The following NCAPH variants were observed in gnomAD, a reference collection of about 807,000 sequenced individuals.
The protein encoded by NCAPH is non-SMC condensin I complex subunit H, also known as condensin complex subunit 2.
Under a neutral mutation model 85.5 loss-of-function variants are expected in NCAPH, and 38 were observed. That is an observed-to-expected ratio of 0.44 (90% CI 0.34 to 0.58). NCAPH has a LOEUF of 0.58. NCAPH is among the 20% of genes least tolerant of loss of function. NCAPH has a pLI of 0.01. For synonymous variants in NCAPH, 301 were observed against 335.1 expected (o/e 0.90, Z 1.11); for missense variants, 789 against 916.6 (o/e 0.86, Z 1.80).
chr2:96,340,516 G>A (rs1424690700), intron 1 of NCAPH, among the ~76,000 whole-genome samples: 2 of 148,856 alleles, frequency 1.3e-5, no homozygotes, highest in Admixed American at 1.4e-4. Context: ...TCAGCCTCCT[G>A]AGTAGCTGGG....
chr2:96,373,589 G>T lies in NCAPH; in HGVS notation c.*238G>T, dbSNP rs1468796582. The T allele has an allele frequency of 4.7e-6, 2 of 421,182 alleles. No individual in the cohort carries two copies. The highest frequency in any genetic ancestry group is 7.4e-5 in the East Asian group (2 of 27,154). 26.1% of individuals were successfully genotyped at this position (421,182 alleles called of 1,614,324 possible). On this transcript the variant is annotated 3_prime_UTR_variant, in exon 18 of 18. Transcript: ENST00000240423. ...CCTATGGTGACCATCTAGGAGAGGG[G>T]AGGGCAGAGGGGGTGAGGGTACTAT...
chr2:96,351,693 A>G, intron 6 of NCAPH, 138 bp from the exon 7 acceptor site: 1 of 682,054 alleles, frequency 1.5e-6, no homozygotes. Context: ...AAACAAAAAC[A>G]AACCACTTTT....
rs758627696 is a variant in NCAPH at position 96,373,378 on chromosome 2, G to T, written c.*27G>T. ...TTCACTATGGAGAAGTCAGCAGCAG[G>T]AGGCCCATCCCTTACTCAGTTGCCG... On this transcript the variant is annotated 3_prime_UTR_variant, in exon 18 of 18. Coordinates refer to ENST00000240423, the MANE Select transcript of NCAPH (RefSeq NM_015341.5). The T allele has an allele frequency of 1.4e-5, 22 of 1,605,998 alleles. No homozygotes were observed. Among genetic ancestry groups the T allele is most frequent in the Non-Finnish European group, 1.9e-5 (22 of 1,173,070 alleles).
intron 9 of NCAPH, among the ~76,000 whole-genome samples, chr2:96,358,755 A>G (rs1439097852): frequency 1.3e-5 from 2 of 152,158 alleles, no homozygotes; most frequent in African/African-American, 2.4e-5. Context: ...AGCGTGAGCC[A>G]CCGCGCCCAG....
chr2:96,367,456 TG>T (rs1035083040), intron 15 of NCAPH, 83 bp downstream of exon 15: 1 of 953,746 alleles, frequency 1.0e-6, no homozygotes, highest in Non-Finnish European at 1.7e-6. Context: ...CACCTCGATT[TG>T]GGCAATGCCT....
chr2:96,355,645 GT>G (rs1235513133), intron 9 of NCAPH, among the ~76,000 whole-genome samples: 84 of 136,896 alleles, frequency 6.1e-4, no homozygotes, highest in Admixed American at 5.9e-4. Flanking sequence ...ATGTTTTTTT[GT>G]TTTTTTTTTT....
chr2:96,343,247 C>T lies in NCAPH; in HGVS notation c.538C>T (p.Leu180Phe). 1 of 1,613,778 alleles carries T rather than the reference C, an allele frequency of 6.2e-7. No homozygotes were observed. The highest frequency in any genetic ancestry group is 1.1e-5 in the South Asian group (1 of 91,028). Reference protein sequence around the residue: ...DAVHADVYRVLGGLGKDAPSL... With the variant: ...DAVHADVYRVFGGLGKDAPSL... The stretch of plus-strand genomic sequence containing the variant: ...CGTCCATGCCGATGTATACAGAGTC[C>T]TTGGGGGGCTGGGCAAAGATGCACC... Residue 180 changes from leucine (L) to phenylalanine (F), a missense_variant, in exon 5 of 18, where the codon CTT (leucine) becomes TTT (phenylalanine). By Grantham distance (22) the Leu-to-Phe change is conservative. Coordinates refer to ENST00000240423, the MANE Select transcript of NCAPH (RefSeq NM_015341.5).
At chr2:96,359,226 A>T (rs1377156266) in intron 10 of NCAPH, 33 bp downstream of exon 10, 1 of 1,611,948 alleles carries the variant, frequency 6.2e-7, no homozygotes, top group Non-Finnish European at 8.5e-7. Context: ...TTAAGAAAAG[A>T]AGTAGTGTAG....
chr2:96,351,535 G>C (rs1277390731), intron 6 of NCAPH, among the ~76,000 whole-genome samples: 1 of 152,024 alleles, frequency 6.6e-6, no homozygotes, highest in Non-Finnish European at 1.5e-5. Flanking sequence ...CAGATGTAGT[G>C]GTGCGTACCT....
At chr2:96,364,367 T>C (rs2064666215) in intron 12 of NCAPH, 114 bp from the exon 13 acceptor site, 1 of 688,444 alleles carries the variant, frequency 1.5e-6, no homozygotes, top group Non-Finnish European at 2.4e-6. Flanking sequence ...CCCTTCTGAC[T>C]CTAAAATTGT....
chr2:96,338,872 G>A (rs549219734), intron 1 of NCAPH, among the ~76,000 whole-genome samples: 6 of 152,204 alleles, frequency 3.9e-5, no homozygotes, highest in East Asian at 3.9e-4. Context: ...GTGCAGTGGC[G>A]CGATCTCGAC....
chr2:96,374,364 T>A lies in NCAPH; in HGVS notation c.*1013T>A, dbSNP rs892470121. Among the ~76,000 whole-genome samples, 1 of 152,178 alleles carries A rather than the reference T, an allele frequency of 6.6e-6. No individual in the cohort carries two copies. The highest frequency in any genetic ancestry group is 2.4e-5 in the African/African-American group (1 of 41,438). ...ACAGAATGCAGCACACACACAAATG[T>A]ACAAGTTCTTCCCCTAACCTCAGAG... is the stretch of plus-strand genomic sequence containing the variant. On this transcript the variant is annotated 3_prime_UTR_variant, in exon 18 of 18. Transcript: ENST00000240423.
chr2:96,352,167 T>C, intron 7 of NCAPH, 147 bp downstream of exon 7: 1 of 808,840 alleles, frequency 1.2e-6, no homozygotes, highest in South Asian at 1.8e-5. Context: ...GTGTATCCTT[T>C]TGGGAGTGCC....
At chr2:96,368,518 G>A (rs1403172792) in intron 15 of NCAPH, among the ~76,000 whole-genome samples, 4 of 152,136 alleles carry the variant, frequency 2.6e-5, no homozygotes, top group South Asian at 2.1e-4. Flanking sequence ...TTAGCTGGGC[G>A]TGGTGGCGGG....
chr2:96,361,826 ATATTTT>A (rs1390828340), intron 12 of NCAPH, among the ~76,000 whole-genome samples: 17 of 118,672 alleles, frequency 1.4e-4, no homozygotes, highest in South Asian at 8.2e-4. Context: ...ATATATATAT[ATATTTT>A]TTTTTTTTTT....
intron 7 of NCAPH, among the ~76,000 whole-genome samples, chr2:96,352,685 G>A (rs777497059): frequency 1.3e-5 from 2 of 152,148 alleles, no homozygotes; most frequent in Non-Finnish European, 2.9e-5. Flanking sequence ...TGCAGTGTTC[G>A]TACTCTCGCT....
chr2:96,339,388 C>T (rs559633998), intron 1 of NCAPH, among the ~76,000 whole-genome samples: 4 of 151,986 alleles, frequency 2.6e-5, no homozygotes, highest in South Asian at 4.1e-4. Context: ...GTCAGGAGTT[C>T]GAGACCAGCC....
chr2:96,352,503 A>G (rs886688038), intron 7 of NCAPH, among the ~76,000 whole-genome samples: 8 of 152,166 alleles, frequency 5.3e-5, no homozygotes, highest in African/African-American at 1.7e-4. Flanking sequence ...AGTCCCCTAT[A>G]CTGGCTTGAC....
intron 9 of NCAPH, among the ~76,000 whole-genome samples, chr2:96,357,152 C>A (rs532261493): frequency 6.6e-6 from 1 of 152,190 alleles, no homozygotes; most frequent in African/African-American, 2.4e-5. Context: ...ATGAAACATT[C>A]GGCTGCATGC....
Sources: allele counts gnomAD v4.1 joint callset (sites outside exome capture counted in the v4.1 genomes callset), GRCh38; gene constraint gnomAD v4.1.1; transcripts MANE v1.5; gene names NCBI Gene and HGNC (gene_info 2026-07-23, HGNC 2026-07-21).